WNT8B: variants seen among roughly 807,000 people sequenced by gnomAD.
WNT8B encodes protein Wnt-8b.
In WNT8B, 24 loss-of-function variants were observed where a neutral mutation model predicts 36.6. The ratio of observed to expected loss-of-function variants is 0.66; its 90% CI spans 0.48 to 0.92. The LOEUF is 0.92. WNT8B is among the 40% of genes least tolerant of loss of function. WNT8B has a pLI of 0.00. For missense variants in WNT8B, 402 were observed against 470.8 expected, an observed-to-expected ratio of 0.85 and a Z score of 1.35; for synonymous variants, 199 against 189.8, an observed-to-expected ratio of 1.05 and a Z score of -0.40.
chr10:100,473,753 CCATCTCTACTAAAAATACAAA>C (rs1851004192), intron 1 of WNT8B, among the ~76,000 whole-genome samples: 1 of 152,062 alleles, frequency 6.6e-6, no homozygotes, highest in South Asian at 2.1e-4. Flanking sequence ...TGGCCAAACC[CCATCTCTACTAAAAATACAAA>C]CATTAGCTGG....
Position 100,481,013 on chromosome 10 carries a change from C to T in WNT8B, c.257C>T (p.Ala86Val). 6.2e-7 allele frequency: 1 copy of T among 1,614,008 alleles called. No homozygotes were observed. Among genetic ancestry groups the T allele is most frequent in the Non-Finnish European group, 8.5e-7 (1 of 1,179,950 alleles). ...GGLRSANRET[A>V]FVHAISSAGV... Reference sequence around the variant, plus strand: ...TTCCTGCTAGCCAATCGGGAGACAGCATTTGTGCATGCCATCAGTTCTGCT... The same window carrying T: ...TTCCTGCTAGCCAATCGGGAGACAGTATTTGTGCATGCCATCAGTTCTGCT... The change falls in exon 4 of 6, where the codon GCA (alanine) becomes GTA (valine). Residue 86 changes from alanine (A) to valine (V), a missense_variant. Physicochemically the swap from Ala to Val is moderately conservative, Grantham distance 64. Transcript: ENST00000343737.
chr10:100,470,588 C>T (rs1355676043), intron 1 of WNT8B, among the ~76,000 whole-genome samples: 1 of 151,726 alleles, frequency 6.6e-6, no homozygotes, highest in Non-Finnish European at 1.5e-5. Flanking sequence ...TGGGGAGAAG[C>T]CAGAAATACT....
intron 1 of WNT8B, among the ~76,000 whole-genome samples, chr10:100,474,134 A>G (rs927027501): frequency 6.6e-6 from 1 of 152,216 alleles, no homozygotes; most frequent in Non-Finnish European, 1.5e-5. Flanking sequence ...ATGCAAGTCT[A>G]GAGTTCAAGC....
At chr10:100,481,852 A>G (rs1851116591) in intron 4 of WNT8B, 60 bp from the exon 5 acceptor site, 1 of 1,599,598 alleles carries the variant, frequency 6.3e-7, no homozygotes, top group Non-Finnish European at 8.5e-7. Flanking sequence ...TAGAAACAGC[A>G]GCCCAGGAGG....
intron 1 of WNT8B, among the ~76,000 whole-genome samples, chr10:100,471,723 G>A (rs1850979591): frequency 6.6e-6 from 1 of 152,202 alleles, no homozygotes; most frequent in Admixed American, 6.5e-5. Flanking sequence ...CACTTACCTA[G>A]CTGTGTGAGG....
chr10:100,474,196 G>A (rs556201053), intron 1 of WNT8B, among the ~76,000 whole-genome samples: 1 of 152,302 alleles, frequency 6.6e-6, no homozygotes, highest in African/African-American at 2.4e-5. Flanking sequence ...CCCTTTGAAT[G>A]GTCCTGAATC....
chr10:100,480,057 G>A (rs764205924), intron 3 of WNT8B, 45 bp downstream of exon 3: 2 of 1,602,786 alleles, frequency 1.2e-6, no homozygotes, highest in South Asian at 2.2e-5. Context: ...TCTGGTCACA[G>A]GTTAGAGCCC....
intron 1 of WNT8B, among the ~76,000 whole-genome samples, chr10:100,474,405 C>A (rs1851010665): frequency 6.6e-6 from 1 of 152,174 alleles, no homozygotes; most frequent in African/African-American, 2.4e-5. Flanking sequence ...GAGGTGGCAC[C>A]CATACAAACA....
rs34654001 is a variant in WNT8B, at chr10:100,482,762, C to A, written c.1002C>A (p.Ser334Arg). 1.4e-3 allele frequency: 2,200 copies of A among 1,592,354 alleles called. 16 individuals carry two copies. In the African/African-American group the frequency reaches 0.023, roughly 17 times the overall value. The change falls in exon 6 of 6, where the codon AGC becomes AGA. Residue 334 changes from serine (S) to arginine (R), a missense_variant. This residue lies in a region of WNT8B where 256 missense variants were observed against 278.6 expected (regional missense o/e 0.92). Transcript: ENST00000343737. This position sits in a 1 kb window ranked among gnomAD's most constrained non-coding sequence, Gnocchi z 6.6. ...GGAGGGTCACCAAGTACTTCTGTAG[C>A]CGCGCAGAGCGGCCGCGGGGGGGCG... Reference protein sequence around the residue: ...CRRRVTKYFCSRAERPRGGAA... With the variant: ...CRRRVTKYFCRRAERPRGGAA...
At chr10:100,480,390 T>C (rs1469928848) in intron 3 of WNT8B, among the ~76,000 whole-genome samples, 1 of 152,162 alleles carries the variant, frequency 6.6e-6, no homozygotes, top group Non-Finnish European at 1.5e-5. Flanking sequence ...GAGAGTGACT[T>C]GGAGACCAGA....
At chr10:100,477,942 A>AT (rs34357304) in intron 1 of WNT8B, among the ~76,000 whole-genome samples, 1,450 of 126,688 alleles carry the variant, frequency 0.011, 15 homozygotes, top group South Asian at 0.06. Flanking sequence ...ATGCCTAGCT[A>AT]TTTTTTTTTT....
Position 100,482,719 on chromosome 10 carries a change from G to T in WNT8B, c.959G>T (p.Arg320Leu), listed in dbSNP as rs773989054. The T allele has an allele frequency of 1.5e-5, 24 of 1,607,762 alleles. No individual in the cohort carries two copies. Among genetic ancestry groups the T allele is most frequent in the Middle Eastern group, 3.5e-4 (2 of 5,646 alleles). ...AAGTTCCACTGGTGCTGCGCAGTCC[G>T]CTGCGAGCAGTGCCGCCGGAGGGTC... is the stretch of plus-strand genomic sequence containing the variant. ...NCKFHWCCAV[R>L]CEQCRRRVTK... Residue 320 changes from arginine (R) to leucine (L), a missense_variant, in exon 6 of 6, where the codon CGC (arginine) becomes CTC (leucine). By Grantham distance (102) the Arg-to-Leu change is moderately radical. Transcript: ENST00000343737. This position sits in a 1 kb window ranked among gnomAD's most constrained non-coding sequence, Gnocchi z 6.6.
At chr10:100,474,740 T>C (rs11190575) in intron 1 of WNT8B, among the ~76,000 whole-genome samples, 32,379 of 151,890 alleles carry the variant, frequency 0.21, 3,540 homozygotes, top group South Asian at 0.23. Context: ...AATTTTTGTA[T>C]TTTTAGTAGA....
chr10:100,482,333 G>A lies in WNT8B; in HGVS notation c.573G>A (p.Thr191=). 6.2e-7 allele frequency: 1 copy of A among 1,603,082 alleles called. No individual in the cohort carries two copies. Among genetic ancestry groups the A allele is most frequent in the Non-Finnish European group, 8.5e-7 (1 of 1,179,750 alleles). Residue 191 remains threonine, a synonymous_variant, in exon 6 of 6, where the codon ACG becomes ACA. Coordinates refer to ENST00000343737, the MANE Select transcript of WNT8B (RefSeq NM_003393.4). The surrounding 1 kb of genome is among the most constrained non-coding windows in gnomAD (Gnocchi z 6.6). ...KCHGVSGSCT[T]QTCWLQLPEF... is the part of the protein sequence containing the mutation. ...ACGGCGTGTCTGGCAGCTGCACCAC[G>A]CAGACCTGTTGGCTGCAGCTGCCCG...
In WNT8B at chr10:100,482,082, C is replaced by A; in HGVS notation, c.510+28C>A. 4 of 1,613,474 alleles carry A rather than the reference C, an allele frequency of 2.5e-6. No homozygotes were observed. The highest frequency in any genetic ancestry group is 2.2e-5 in the East Asian group (1 of 44,872). ...GAGTCCCGCAGCCCTTGGAAATAGGCAGCTGCTGGCTATATCCACTACCAG... is the reference window on the plus strand; with the variant it reads ...GAGTCCCGCAGCCCTTGGAAATAGGAAGCTGCTGGCTATATCCACTACCAG... On this transcript the variant is annotated intron_variant, in intron 5 of 5. Coordinates refer to ENST00000343737, the MANE Select transcript of WNT8B (RefSeq NM_003393.4). This position sits in a 1 kb window ranked among gnomAD's most constrained non-coding sequence, Gnocchi z 6.6.
chr10:100,465,178 A>T (rs1850896042), intron 1 of WNT8B, among the ~76,000 whole-genome samples: 1 of 152,206 alleles, frequency 6.6e-6, no homozygotes, highest in Non-Finnish European at 1.5e-5. Context: ...TAATGATGAC[A>T]TTCACCTATA....
chr10:100,465,846 C>T (rs929392366), intron 1 of WNT8B, among the ~76,000 whole-genome samples: 2 of 152,080 alleles, frequency 1.3e-5, no homozygotes, highest in African/African-American at 4.8e-5. Context: ...CTGATGATGA[C>T]ATGTGGGACT....
Position 100,475,442 on chromosome 10 carries a change from T to C in WNT8B, c.69-3610T>C, listed in dbSNP as rs185713957. On this transcript the variant is annotated intron_variant, in intron 1 of 5. Coordinates refer to ENST00000343737, the MANE Select transcript of WNT8B (RefSeq NM_003393.4). ...AAATAAGGCCTATAGTGTTGTTCCATGACAGGTGCTCAATTAAGTCTCATT... is the reference window on the plus strand; with the variant it reads ...AAATAAGGCCTATAGTGTTGTTCCACGACAGGTGCTCAATTAAGTCTCATT... Among the ~76,000 whole-genome samples the C allele has an allele frequency of 2.7e-4, 41 of 152,330 alleles. No homozygotes were observed. The East Asian group carries it at 7.1e-3, about 27-fold the overall frequency.
At chr10:100,478,295 A>T (rs939147928) in intron 1 of WNT8B, among the ~76,000 whole-genome samples, 19 of 152,192 alleles carry the variant, frequency 1.2e-4, no homozygotes, top group African/African-American at 4.3e-4. Context: ...GAGCCTGAAC[A>T]CACGTTTAAC....
Sources: gnomAD v4.1 joint callset for allele counts (sites outside exome capture counted in the v4.1 genomes callset) on GRCh38, gnomAD v4.1.1 for gene constraint, gnomAD v4.1.1 regional missense constraint, Gnocchi (gnomAD v3.1) non-coding constraint, MANE v1.5 for transcripts, NCBI Gene and HGNC (gene_info 2026-07-23, HGNC 2026-07-21) for gene names.